Variants in PRC1 observed in about 807,000 individuals in gnomAD.
The protein encoded by PRC1 is protein regulator of cytokinesis 1.
In PRC1, 54 loss-of-function variants were observed where a neutral mutation model predicts 91.2. That is an observed-to-expected ratio of 0.59 (90% confidence interval 0.48 to 0.74). The LOEUF (loss-of-function observed/expected upper bound fraction) is 0.74, where lower values mean the gene tolerates loss of function less well. Among genes scored for constraint, PRC1 ranks in the 30% least tolerant of loss-of-function variants. PRC1 has a pLI of 0.00. For missense variants in PRC1, 727 were observed against 746.2 expected (o/e 0.97, Z 0.30); for synonymous variants, 275 against 263.6 (o/e 1.04, Z -0.42).
rs1476103460 is a variant in PRC1 at position 90,976,552 on chromosome 15, CTTA to C, written c.1203+121_1203+123del. 10 of 774,634 alleles carry C rather than the reference CTTA, an allele frequency of 1.3e-5. No individual in the cohort carries two copies. The East Asian group carries it at 2.4e-4, about 19-fold the overall frequency. The allele number at this position is 774,634 out of a possible 1,614,324, so 48.0% of individuals were successfully genotyped here. On this transcript the variant is annotated intron_variant, in intron 9 of 14. Coordinates refer to ENST00000394249, the MANE Select transcript of PRC1 (RefSeq NM_003981.4). ...GGAGTTGCTTATACTAAATATATAA[CTTA>C]TTATCTCTGCCTAAGCTTTGAAGAA...
chr15:90,975,752 G>C (rs1267539804), intron 9 of PRC1, among the ~76,000 whole-genome samples: 1 of 152,176 alleles, frequency 6.6e-6, no homozygotes, highest in African/African-American at 2.4e-5. Flanking sequence ...CTGAGACCGA[G>C]ATGGGAGGAA....
At position 90,968,884 on chromosome 15, in the gene PRC1, G is replaced by A. The variant is rs2037788146; in HGVS notation, c.1791+195C>T. 12 of 1,396,896 alleles carry A rather than the reference G, an allele frequency of 8.6e-6. No individual in the cohort carries two copies. In the South Asian group the frequency reaches 1.8e-4, roughly 21 times the overall value. 86.5% of individuals were successfully genotyped at this position (1,396,896 alleles called of 1,614,324 possible). On this transcript the variant is annotated intron_variant, in intron 14 of 14. Coordinates refer to ENST00000394249, the MANE Select transcript of PRC1 (RefSeq NM_003981.4). ...TTTAGGGGCTGAGAATCCAATTCAAGTCTGAACAAATTTTATTAATTAATC... is the reference window on the plus strand; with the variant it reads ...TTTAGGGGCTGAGAATCCAATTCAAATCTGAACAAATTTTATTAATTAATC...
chr15:90,968,170 A>G (rs908927297), intron 14 of PRC1: 1 of 985,376 alleles, frequency 1.0e-6, no homozygotes, highest in African/African-American at 1.7e-5. Context: ...TAAGCCTCAG[A>G]TAAAATGGGC....
chr15:90,994,385 T>A (rs373239643), intron 1 of PRC1, 22 bp downstream of exon 1: 17 of 1,610,736 alleles, frequency 1.1e-5, no homozygotes, highest in Non-Finnish European at 1.4e-5. Flanking sequence ...CCGCGTCCCC[T>A]CGATTTCCCC....
intron 6 of PRC1, 124 bp from the exon 7 acceptor site, chr15:90,980,513 T>A (rs1021002699): frequency 4.9e-4 from 38 of 78,072 alleles, no homozygotes; most frequent in East Asian, 1.2e-3. Flanking sequence ...AAATCAACAC[T>A]TTTTTTTTTT....
rs765985527 is a variant in PRC1 at position 90,967,213 on chromosome 15, A to G, written c.1792-11T>C. 20 of 1,610,076 alleles carry G rather than the reference A, an allele frequency of 1.2e-5. No homozygotes were observed. Among genetic ancestry groups the G allele is most frequent in the Non-Finnish European group, 1.7e-5 (20 of 1,176,400 alleles). On this transcript the variant is annotated splice_polypyrimidine_tract_variant and intron_variant, in intron 14 of 14. Transcript: ENST00000394249. ...CTTTGAAAGTTCTCGCTGTTGAAAA[A>G]TAAATAACATCAGTGGCCATACTGC...
chr15:90,968,131 G>A (rs1476993448), intron 14 of PRC1: 1 of 985,324 alleles, frequency 1.0e-6, no homozygotes. Context: ...ACCTACCTAG[G>A]ACTAGCCACA....
chr15:90,969,416 A>G (rs2037851702), intron 13 of PRC1, 31 bp downstream of exon 13: 1 of 1,563,484 alleles, frequency 6.4e-7, no homozygotes, highest in East Asian at 2.3e-5. Context: ...TGCTCCCCAG[A>G]GACTGGTAGA....
chr15:90,969,435 A>T lies in PRC1; in HGVS notation c.1749+12T>A. The T allele has an allele frequency of 1.3e-6, 2 of 1,581,790 alleles. No individual in the cohort carries two copies. The highest frequency in any genetic ancestry group is 2.3e-5 in the South Asian group (2 of 86,328). ...CCCCAGAGACTGGTAGATATTAGAA[A>T]AGGTGAATTACCGCAAACTCAGAAT... On this transcript the variant is annotated intron_variant, in intron 13 of 14. Transcript: ENST00000394249.
chr15:90,981,293 A>C (rs2039175394), intron 5 of PRC1: 1 of 699,722 alleles, frequency 1.4e-6, no homozygotes, highest in South Asian at 2.2e-5. Context: ...TATTTCATCT[A>C]TAATTTCATT....
Position 90,967,372 on chromosome 15 carries a change from T to C in PRC1, c.1792-170A>G, listed in dbSNP as rs1297203845. 5 of 618,856 alleles carry C rather than the reference T, an allele frequency of 8.1e-6. No homozygotes were observed. The East Asian group carries it at 1.1e-4, about 14-fold the overall frequency. The allele number at this position is 618,856 out of a possible 1,614,324, so 38.3% of individuals were successfully genotyped here. A position where few individuals can be genotyped will look rare whatever the true frequency, so the allele number is the denominator to read the frequency against. ...AAAAGGTGAGGAACTCTGAGCACCATTCTATTAGTCACAGACAGAGTGCAT... is the reference window on the plus strand; with the variant it reads ...AAAAGGTGAGGAACTCTGAGCACCACTCTATTAGTCACAGACAGAGTGCAT... On this transcript the variant is annotated intron_variant, in intron 14 of 14. Coordinates refer to ENST00000394249, the MANE Select transcript of PRC1 (RefSeq NM_003981.4).
At chr15:90,970,538 A>G in intron 11 of PRC1, 24 bp from the exon 12 acceptor site, 1 of 1,507,194 alleles carries the variant, frequency 6.6e-7, no homozygotes, top group South Asian at 1.1e-5. Flanking sequence ...CACGTGGGTA[A>G]CTGATGTGCA....
At chr15:90,988,119 A>C (rs1419617742) in intron 1 of PRC1, 5 of 152,176 alleles carry the variant, frequency 3.3e-5, no homozygotes, top group Admixed American at 2.6e-4. Flanking sequence ...TATTTAACAT[A>C]ATCTCAACTA....
In PRC1 at chr15:90,984,197, C is replaced by T. The variant is rs1292081299; in HGVS notation, c.145-57G>A. 1.9e-6 allele frequency: 3 copies of T among 1,583,706 alleles called. No homozygotes were observed. The highest frequency in any genetic ancestry group is 2.7e-5 in the African/African-American group (2 of 73,454). ...GGCAATGGAGGAAAAAAACTCCCAA[C>T]ACCAATACCAAACTCCTCAAATTTC... On this transcript the variant is annotated intron_variant, in intron 2 of 14. Coordinates refer to ENST00000394249, the MANE Select transcript of PRC1 (RefSeq NM_003981.4). This position sits in a 1 kb window ranked among gnomAD's most constrained non-coding sequence, Gnocchi z 5.1.
chr15:90,994,455 CCTA>C lies in PRC1; in HGVS notation c.-41_-39del. 1.2e-6 allele frequency: 2 copies of C among 1,607,024 alleles called. No homozygotes were observed. Among genetic ancestry groups the C allele is most frequent in the Non-Finnish European group, 1.7e-6 (2 of 1,176,742 alleles). ...AAGCAGCCGTGAGTCCAGGTCCAGA[CCTA>C]CTCCACACGGCCCCGAGAGCAACAA... On this transcript the variant is annotated 5_prime_UTR_variant, in exon 1 of 15. Coordinates refer to ENST00000394249, the MANE Select transcript of PRC1 (RefSeq NM_003981.4).
rs775813789 is a variant in PRC1, at chr15:90,967,097, A to G, written c.*34T>C. The stretch of plus-strand genomic sequence containing the variant: ...ATATAATTAGGTCCAGTCTAGGCAC[A>G]GGAAGCCACAGCTGGTTGACTGATC... On this transcript the variant is annotated 3_prime_UTR_variant, in exon 15 of 15. Coordinates refer to ENST00000394249, the MANE Select transcript of PRC1 (RefSeq NM_003981.4). 1.3e-6 allele frequency: 2 copies of G among 1,584,358 alleles called. No individual in the cohort carries two copies. Among genetic ancestry groups the G allele is most frequent in the Admixed American group, 3.3e-5 (2 of 59,948 alleles).
intron 14 of PRC1, chr15:90,968,724 A>G (rs1223459088): frequency 1.8e-6 from 2 of 1,127,310 alleles, no homozygotes; most frequent in Non-Finnish European, 2.2e-6. Context: ...GCCTCATTGT[A>G]GGCAGCACAC....
At chr15:90,975,529 T>C (rs933050121) in intron 9 of PRC1, among the ~76,000 whole-genome samples, 1 of 136,454 alleles carries the variant, frequency 7.3e-6, no homozygotes, top group Non-Finnish European at 1.7e-5. Context: ...AAAAATGGTA[T>C]TATTATTATC....
intron 1 of PRC1, among the ~76,000 whole-genome samples, chr15:90,988,903 C>G (rs568253767): frequency 6.6e-6 from 1 of 152,236 alleles, no homozygotes; most frequent in South Asian, 2.1e-4. Flanking sequence ...CACTCTGGAT[C>G]CTGACGAAGG....
Sources: gnomAD v4.1 joint callset for allele counts (sites outside exome capture counted in the v4.1 genomes callset) on GRCh38, gnomAD v4.1.1 for gene constraint, Gnocchi (gnomAD v3.1) non-coding constraint, MANE v1.5 for transcripts, NCBI Gene and HGNC (gene_info 2026-07-23, HGNC 2026-07-21) for gene names.